TIMM44: variants seen among roughly 807,000 people sequenced by gnomAD.
The protein encoded by TIMM44 is translocase of inner mitochondrial membrane 44.
In TIMM44, 37 loss-of-function variants were observed where a neutral mutation model predicts 63.8. The ratio of observed to expected loss-of-function variants is 0.58; its 90% CI spans 0.45 to 0.76. The LOEUF is 0.76. Ranked by LOEUF, TIMM44 falls within the 30% of genes least tolerant of loss-of-function variation. The pLI is 0.00. For missense variants in TIMM44, 573 were observed against 603.8 expected, an observed-to-expected ratio of 0.95 and a Z score of 0.54; for synonymous variants, 239 against 245.1, an observed-to-expected ratio of 0.98 and a Z score of 0.23.
chr19:7,934,275 G>A lies in TIMM44; in HGVS notation c.394-37C>T, dbSNP rs554005668. ...GACACAGAGAGGGGGCGTTGGCACCGGCCCTGGCGGCCGGGGGGCGGGGCA... is the reference window on the plus strand; with the variant it reads ...GACACAGAGAGGGGGCGTTGGCACCAGCCCTGGCGGCCGGGGGGCGGGGCA... On this transcript the variant is annotated intron_variant, in intron 4 of 12. Transcript: ENST00000270538. The surrounding 1 kb of genome is among the most constrained non-coding windows in gnomAD (Gnocchi z 5.3). 4.2e-4 allele frequency: 680 copies of A among 1,606,230 alleles called. 4 individuals carry two copies. In the South Asian group the frequency reaches 6.7e-3, roughly 16 times the overall value.
chr19:7,927,339 A>C (rs770468222), intron 12 of TIMM44, 33 bp from the exon 13 acceptor site: 21 of 1,601,598 alleles, frequency 1.3e-5, no homozygotes, highest in Non-Finnish European at 1.7e-5. Context: ...CACTGTTGAG[A>C]GGGTTGAGGT....
intron 10 of TIMM44, among the ~76,000 whole-genome samples, chr19:7,929,552 C>A (rs920865247): frequency 5.9e-5 from 9 of 152,178 alleles, no homozygotes; most frequent in African/African-American, 2.2e-4. Context: ...TGTGGGTTCC[C>A]TCTGGCCCGG....
chr19:7,941,726 G>A (rs1984317577), intron 1 of TIMM44, among the ~76,000 whole-genome samples: 1 of 151,988 alleles, frequency 6.6e-6, no homozygotes, highest in Non-Finnish European at 1.5e-5. Flanking sequence ...CTATCCTCGT[G>A]CCCCTGAAAC....
At chr19:7,932,309 G>C in intron 9 of TIMM44, 1 of 420,916 alleles carries the variant, frequency 2.4e-6, no homozygotes, top group Non-Finnish European at 4.4e-6. Flanking sequence ...CAAGGGGTGA[G>C]GGGCTCCAGG....
intron 2 of TIMM44, among the ~76,000 whole-genome samples, chr19:7,940,226 C>G (rs942200444): frequency 6.6e-6 from 1 of 151,112 alleles, no homozygotes; most frequent in African/African-American, 2.4e-5. Context: ...GAGTGAGACC[C>G]TATCTTAAAA....
rs1181931505 is a variant in TIMM44 at position 7,932,947 on chromosome 19, G to A, written c.770-15C>T. The A allele has an allele frequency of 1.2e-6, 2 of 1,610,912 alleles. No homozygotes were observed. The highest frequency in any genetic ancestry group is 2.2e-5 in the East Asian group (1 of 44,852). ...CTCGAAGAACCCTGTGGAAGATGGG[G>A]TAGGTGCTGGAGAAGGGGCCCCTTC... On this transcript the variant is annotated splice_polypyrimidine_tract_variant and intron_variant, in intron 7 of 12. Coordinates refer to ENST00000270538, the MANE Select transcript of TIMM44 (RefSeq NM_006351.4).
At chr19:7,929,419 C>G (rs2064974281) in intron 10 of TIMM44, among the ~76,000 whole-genome samples, 1 of 152,174 alleles carries the variant, frequency 6.6e-6, no homozygotes, top group African/African-American at 2.4e-5. Context: ...TAGAGGCTCC[C>G]AGGGCCTGGG....
intron 9 of TIMM44, chr19:7,932,288 C>A: frequency 2.7e-6 from 1 of 371,990 alleles, no homozygotes; most frequent in Non-Finnish European, 5.0e-6. Context: ...AAGACAGACG[C>A]CCACTTCTCC....
chr19:7,941,531 AC>A, intron 1 of TIMM44, among the ~76,000 whole-genome samples: 1 of 151,420 alleles, frequency 6.6e-6, no homozygotes, highest in Non-Finnish European at 1.5e-5. Flanking sequence ...CAGGTGATCC[AC>A]CCCTCCCCCG....
chr19:7,928,162 T>A lies in TIMM44; in HGVS notation c.1043A>T (p.Tyr348Phe). Residue 348 changes from tyrosine (Y) to phenylalanine (F), a missense_variant, in exon 11 of 13, where the codon TAC becomes TTC. Transcript: ENST00000270538. ...ILKDWCYEATYSQLAHPIQQA... is the reference protein window; with the variant it reads ...ILKDWCYEATFSQLAHPIQQA... ...CTGGATGGGGTGGGCCAGCTGGCTGTAAGTCTGCAATGAGAGGCCGACACG... is the reference window on the plus strand; with the variant it reads ...CTGGATGGGGTGGGCCAGCTGGCTGAAAGTCTGCAATGAGAGGCCGACACG... 1 of 1,613,502 alleles carries A rather than the reference T, an allele frequency of 6.2e-7. No individual in the cohort carries two copies. The highest frequency in any genetic ancestry group is 8.5e-7 in the Non-Finnish European group (1 of 1,179,750).
rs760240688 is a variant in TIMM44 at position 7,932,821 on chromosome 19, C to T, written c.862+19G>A. 1.2e-6 allele frequency: 2 copies of T among 1,614,178 alleles called. No homozygotes were observed. Among genetic ancestry groups the T allele is most frequent in the Non-Finnish European group, 1.7e-6 (2 of 1,180,020 alleles). On this transcript the variant is annotated intron_variant, in intron 8 of 12. Transcript: ENST00000270538. ...CCGCCCCACCACCAGCCTGCGAGGT[C>T]CAGGGATGACTCACTCACCCAGCAA...
At position 7,933,355 on chromosome 19, in the gene TIMM44, C is replaced by G; in HGVS notation, c.769+130G>C. The G allele has an allele frequency of 1.2e-6, 1 of 851,880 alleles. No homozygotes were observed. Among genetic ancestry groups the G allele is most frequent in the African/African-American group, 1.7e-5 (1 of 60,588 alleles). The allele number at this position is 851,880 out of a possible 1,614,324, so 52.8% of individuals were successfully genotyped here. A position where few individuals can be genotyped will look rare whatever the true frequency, so the allele number is the denominator to read the frequency against. ...CATCATGTGACCGCAAAGAAGTGAC[C>G]GGCCCACTCTGACCCCGATCTCCTC... is the stretch of plus-strand genomic sequence containing the variant. On this transcript the variant is annotated intron_variant, in intron 7 of 12. Coordinates refer to ENST00000270538, the MANE Select transcript of TIMM44 (RefSeq NM_006351.4). The surrounding 1 kb of genome is among the most constrained non-coding windows in gnomAD (Gnocchi z 4.3).
At position 7,933,268 on chromosome 19, in the gene TIMM44, G is replaced by A. The variant is rs544382427; in HGVS notation, c.769+217C>T. The stretch of plus-strand genomic sequence containing the variant: ...GGGACAGGGGCCTGCGGCTCGTTTC[G>A]GGGCCCTGACTGTGCTTATGAGGGA... On this transcript the variant is annotated intron_variant, in intron 7 of 12. Transcript: ENST00000270538. This position sits in a 1 kb window ranked among gnomAD's most constrained non-coding sequence, Gnocchi z 4.3. 4.5e-4 allele frequency among the ~76,000 whole-genome samples: 68 copies of A among 152,206 alleles called. No homozygotes were observed. The highest frequency in any genetic ancestry group is 1.5e-3 in the African/African-American group (61 of 41,538).
chr19:7,936,762 G>C (rs796577450), intron 3 of TIMM44, among the ~76,000 whole-genome samples: 8 of 152,278 alleles, frequency 5.3e-5, no homozygotes, highest in African/African-American at 1.9e-4. Context: ...GAGGCCAGGA[G>C]TTTGAGACCA....
chr19:7,930,535 G>C (rs950731062), intron 10 of TIMM44, among the ~76,000 whole-genome samples: 2 of 151,890 alleles, frequency 1.3e-5, no homozygotes, highest in African/African-American at 4.8e-5. Context: ...TCGAACTCTT[G>C]AGCTCAGGCA....
intron 11 of TIMM44, 102 bp downstream of exon 11, chr19:7,927,975 G>A: frequency 8.0e-7 from 1 of 1,249,538 alleles, no homozygotes; most frequent in South Asian, 1.3e-5. Context: ...TCTTGGATCA[G>A]CCCATGGCCC....
In TIMM44 at chr19:7,928,124, G is replaced by C. The variant is rs1228600110; in HGVS notation, c.1081C>G (p.Leu361Val). The C allele has an allele frequency of 1.2e-6, 2 of 1,614,076 alleles. No homozygotes were observed. Among genetic ancestry groups the C allele is most frequent in the Admixed American group, 3.3e-5 (2 of 60,030 alleles). Residue 361 changes from leucine to valine, a missense_variant, in exon 11 of 13, where the codon CTG becomes GTG. Transcript: ENST00000270538. ...LAHPIQQAKA[L>V]GLQFHSRILD... ...ATGCGAGAATGGAACTGGAGACCCA[G>C]TGCCTTGGCCTGCTGGATGGGGTGG...
At chr19:7,928,964 A>G (rs961261276) in intron 10 of TIMM44, 1 of 150,688 alleles carries the variant, frequency 6.6e-6, no homozygotes, top group Non-Finnish European at 1.5e-5. Context: ...ATCGAAACTC[A>G]TAAATGCCTG....
intron 3 of TIMM44, among the ~76,000 whole-genome samples, chr19:7,937,332 C>A (rs979604069): frequency 6.6e-6 from 1 of 152,246 alleles, no homozygotes; most frequent in African/African-American, 2.4e-5. Context: ...AGGCTCCACT[C>A]AGAGGGCTAC....
Sources: allele counts gnomAD v4.1 joint callset (sites outside exome capture counted in the v4.1 genomes callset), GRCh38; gene constraint gnomAD v4.1.1; non-coding constraint Gnocchi (gnomAD v3.1); transcripts MANE v1.5; gene names NCBI Gene and HGNC (gene_info 2026-07-23, HGNC 2026-07-21).